The following SLC35F4 variants were observed in gnomAD, a reference collection of about 807,000 sequenced individuals.
SLC35F4 encodes solute carrier family 35 member F4.
In SLC35F4, 24 loss-of-function variants were observed where a neutral mutation model predicts 44.2. That is an observed-to-expected ratio of 0.54 (90% CI 0.39 to 0.76). SLC35F4 has a LOEUF of 0.76. SLC35F4 is among the 30% of genes least tolerant of loss of function. The pLI is 0.00. For synonymous variants in SLC35F4, 238 were observed against 223.6 expected, an observed-to-expected ratio of 1.06 and a Z score of -0.57; for missense variants, 562 against 586.1, an observed-to-expected ratio of 0.96 and a Z score of 0.42.
At chr14:57,729,434 G>T (rs936143373) in intron 1 of SLC35F4, among the ~76,000 whole-genome samples, 2 of 152,136 alleles carry the variant, frequency 1.3e-5, no homozygotes, top group Admixed American at 6.5e-5. Flanking sequence ...AGGAACCAAG[G>T]GCTCTTTAGT....
At chr14:57,599,091 C>T (rs2070665213) in intron 1 of SLC35F4, among the ~76,000 whole-genome samples, 1 of 152,154 alleles carries the variant, frequency 6.6e-6, no homozygotes, top group East Asian at 1.9e-4. Context: ...TCCTAAATTC[C>T]CACAGCTTTC....
chr14:57,867,605 C>A (rs556063450), upstream of SLC35F4, among the ~76,000 whole-genome samples: 1 of 151,100 alleles, frequency 6.6e-6, no homozygotes, highest in Non-Finnish European at 1.5e-5. Flanking sequence ...CCTTTACACC[C>A]CCCCCCACGT....
chr14:57,782,195 T>C (rs986794264), intron 1 of SLC35F4, among the ~76,000 whole-genome samples: 3 of 152,184 alleles, frequency 2.0e-5, no homozygotes, highest in Admixed American at 2.0e-4. Context: ...GTTATCAGAA[T>C]TAATTTATAT....
chr14:57,733,543 T>G (rs2076396324), intron 1 of SLC35F4, among the ~76,000 whole-genome samples: 1 of 151,878 alleles, frequency 6.6e-6, no homozygotes, highest in South Asian at 2.1e-4. Context: ...GTAAAATGTA[T>G]ACGTTAATTG....
Position 57,742,288 on chromosome 14 carries a change from A to C in SLC35F4, c.103+123435T>G, listed in dbSNP as rs1018157476. Among the ~76,000 whole-genome samples the C allele has an allele frequency of 4.6e-5, 7 of 152,184 alleles. 1 individual carries two copies. The highest frequency in any genetic ancestry group is 1.7e-4 in the African/African-American group (7 of 41,440). ...AAAGACACAGACTGGCAAATTGGAT[A>C]AAGAGTCAAGACCCATCAGTGTGCT... On this transcript the variant is annotated intron_variant, in intron 1 of 7. Coordinates refer to ENST00000556826, the MANE Select transcript of SLC35F4 (RefSeq NM_001306087.2).
At chr14:57,640,207 G>A (rs1479406716) in intron 1 of SLC35F4, among the ~76,000 whole-genome samples, 2 of 151,904 alleles carry the variant, frequency 1.3e-5, no homozygotes, top group Non-Finnish European at 2.9e-5. Flanking sequence ...GGATCTGTGT[G>A]TTCCAACATC....
chr14:57,970,237 T>G (rs1881011795), intron 1 of SLC35F4, among the ~76,000 whole-genome samples: 1 of 152,218 alleles, frequency 6.6e-6, no homozygotes, highest in African/African-American at 2.4e-5. Context: ...ACCTGCAAAA[T>G]GGGAGCAAAT....
At chr14:57,587,174 G>A (rs2069810717) in intron 3 of SLC35F4, among the ~76,000 whole-genome samples, 1 of 152,162 alleles carries the variant, frequency 6.6e-6, no homozygotes, top group Non-Finnish European at 1.5e-5. Context: ...ACTGTTGGTG[G>A]GCGTGTAAAT....
At position 57,593,994 on chromosome 14, in the gene SLC35F4, T is replaced by C; in HGVS notation, c.234A>G (p.Gln78=). ...EDSSAPILEL[Q]NQGSSGVCGH... ...CACAAACTCCTGAGGATCCTTGGTT[T>C]TGAAGTTCAAGAATAGGAGCAGAGG... The change falls in exon 2 of 8, where the codon CAA becomes CAG. Residue 78 remains glutamine (Q), a synonymous_variant. Coordinates refer to ENST00000556826, the MANE Select transcript of SLC35F4 (RefSeq NM_001306087.2). The C allele has an allele frequency of 6.2e-7, 1 of 1,613,896 alleles. No homozygotes were observed. Among genetic ancestry groups the C allele is most frequent in the Non-Finnish European group, 8.5e-7 (1 of 1,179,854 alleles).
chr14:57,778,035 G>A (rs2077532424), intron 1 of SLC35F4, among the ~76,000 whole-genome samples: 1 of 152,176 alleles, frequency 6.6e-6, no homozygotes, highest in African/African-American at 2.4e-5. Flanking sequence ...GAACCTGGTG[G>A]GAGGTGATTG....
chr14:57,746,690 G>A (rs1176834897), intron 1 of SLC35F4, among the ~76,000 whole-genome samples: 1 of 152,086 alleles, frequency 6.6e-6, no homozygotes. Context: ...CTTGTGTTTT[G>A]TTGTATTTGT....
At chr14:57,934,236 G>A (rs1889754603) in intron 1 of SLC35F4, among the ~76,000 whole-genome samples, 2 of 151,348 alleles carry the variant, frequency 1.3e-5, no homozygotes, top group South Asian at 4.2e-4. Context: ...GAGAGGTTCT[G>A]GTCCCTCTTT....
At chr14:57,883,832 C>T (rs1195393155) in intron 1 of SLC35F4, among the ~76,000 whole-genome samples, 1 of 152,142 alleles carries the variant, frequency 6.6e-6, no homozygotes, top group African/African-American at 2.4e-5. Context: ...AATATAGTTT[C>T]ACTTCAGCTA....
intron 1 of SLC35F4, among the ~76,000 whole-genome samples, chr14:57,626,594 C>T (rs1321263045): frequency 6.6e-6 from 1 of 152,098 alleles, no homozygotes; most frequent in African/African-American, 2.4e-5. Context: ...ATTGCACACT[C>T]AACAAGGAAT....
intron 1 of SLC35F4, among the ~76,000 whole-genome samples, chr14:57,769,454 G>T (rs80326458): frequency 1.3e-5 from 2 of 152,162 alleles, no homozygotes; most frequent in Non-Finnish European, 2.9e-5. Flanking sequence ...GTGTGAATCT[G>T]TGCAGGTGCA....
intron 5 of SLC35F4, among the ~76,000 whole-genome samples, chr14:57,570,848 T>C (rs1454521796): frequency 6.6e-6 from 1 of 152,218 alleles, no homozygotes; most frequent in Admixed American, 6.5e-5. Flanking sequence ...GAACTAATTT[T>C]TTTTTTCTGT....
chr14:57,580,132 T>C (rs1448840225), intron 4 of SLC35F4, among the ~76,000 whole-genome samples: 1 of 152,224 alleles, frequency 6.6e-6, no homozygotes, highest in Non-Finnish European at 1.5e-5. Context: ...ATCAAAACTT[T>C]CTACTTATTA....
At chr14:57,587,042 T>C (rs951002530) in intron 3 of SLC35F4, among the ~76,000 whole-genome samples, 1 of 151,758 alleles carries the variant, frequency 6.6e-6, no homozygotes, top group African/African-American at 2.4e-5. Context: ...CACTGGTCAT[T>C]AGAGAAATGC....
At chr14:57,573,982 G>A (rs2068649756) in intron 4 of SLC35F4, among the ~76,000 whole-genome samples, 1 of 152,082 alleles carries the variant, frequency 6.6e-6, no homozygotes, top group Admixed American at 6.5e-5. Context: ...ATTATTAAAA[G>A]CATTCTATAA....
Sources: allele counts gnomAD v4.1 joint callset (sites outside exome capture counted in the v4.1 genomes callset), GRCh38; gene constraint gnomAD v4.1.1; transcripts MANE v1.5; gene names NCBI Gene and HGNC (gene_info 2026-07-23, HGNC 2026-07-21).